Variants in ZNF385D observed in about 807,000 individuals in gnomAD.
The protein encoded by ZNF385D is zinc finger protein 659.
ZNF385D carries 15 observed loss-of-function variants against 35.8 expected under a neutral mutation model. The ratio of observed to expected loss-of-function variants is 0.42; its 90% confidence interval spans 0.28 to 0.64. The LOEUF (loss-of-function observed/expected upper bound fraction) is 0.64, where lower values mean the gene tolerates loss of function less well. Ranked by LOEUF, ZNF385D falls within the 30% of genes least tolerant of loss-of-function variation. The pLI, the probability that ZNF385D is intolerant of heterozygous loss-of-function variation, is 0.23. For missense variants in ZNF385D, 474 were observed against 494.6 expected (o/e 0.96, Z 0.39); for synonymous variants, 212 against 186.8 (o/e 1.13, Z -1.10).
intron 2 of ZNF385D, among the ~76,000 whole-genome samples, chr3:22,265,705 A>C (rs1576587058): frequency 6.6e-6 from 1 of 152,058 alleles, no homozygotes; most frequent in South Asian, 2.1e-4. Context: ...GACTGGCTTG[A>C]ATATCAACCT....
At chr3:21,517,319 C>T (rs1707634295) in intron 3 of ZNF385D, among the ~76,000 whole-genome samples, 1 of 152,020 alleles carries the variant, frequency 6.6e-6, no homozygotes, top group South Asian at 2.1e-4. Context: ...GCCATGAACA[C>T]ACCTGTGAAG....
chr3:21,987,671 A>T (rs1035003520), intron 3 of ZNF385D, among the ~76,000 whole-genome samples: 1 of 143,530 alleles, frequency 7.0e-6, no homozygotes, highest in African/African-American at 2.7e-5. Flanking sequence ...CTCGAGGAGT[A>T]TCTTTGTGGT....
Position 22,103,923 on chromosome 3 carries a change from TATTTAA to T in ZNF385D, c.325+64888_325+64893del, listed in dbSNP as rs1344530693. ...ATTGAATTATATGGCTTTAAATTTT[TATTTAA>T]ATTTAATAGGAAAATCAGTCTTGAG... On this transcript the variant is annotated intron_variant, in intron 3 of 5. Coordinates refer to the ZNF385D transcript ENST00000494108. 3.9e-5 allele frequency among the ~76,000 whole-genome samples: 6 copies of T among 152,248 alleles called. No homozygotes were observed. The East Asian group carries it at 5.8e-4, about 15-fold the overall frequency.
intron 2 of ZNF385D, among the ~76,000 whole-genome samples, chr3:22,253,547 T>A (rs1247532128): frequency 3.3e-5 from 5 of 151,982 alleles, no homozygotes; most frequent in Non-Finnish European, 7.4e-5. Context: ...AAAATTTGCC[T>A]AATGGTAAGA....
rs996753901 is a variant in ZNF385D, at chr3:21,465,445, C to T, written c.440-28242G>A. Among the ~76,000 whole-genome samples the T allele has an allele frequency of 6.6e-6, 1 of 152,142 alleles. No individual in the cohort carries two copies. On this transcript the variant is annotated intron_variant, in intron 4 of 7. Transcript: ENST00000281523. This position sits in a 1 kb window ranked among gnomAD's most constrained non-coding sequence, Gnocchi z 4.2. ...TTTCTTCTGCTCTTCCCAAGAGGGC[C>T]ACAGCCTCTCATCACCTGGCCAGAG...
intron 3 of ZNF385D, among the ~76,000 whole-genome samples, chr3:21,928,151 T>C (rs1700827241): frequency 6.6e-6 from 1 of 151,810 alleles, no homozygotes. Flanking sequence ...TTCACAGTTG[T>C]AGTGTGCTAT....
chr3:21,522,728 G>A (rs955113785), intron 3 of ZNF385D, among the ~76,000 whole-genome samples: 1 of 152,138 alleles, frequency 6.6e-6, no homozygotes, highest in African/African-American at 2.4e-5. Flanking sequence ...AGGGACAGTG[G>A]CAATGACTCT....
intron 2 of ZNF385D, among the ~76,000 whole-genome samples, chr3:21,604,420 G>A (rs2064414254): frequency 6.6e-6 from 1 of 152,184 alleles, no homozygotes; most frequent in South Asian, 2.1e-4. Context: ...TGACATGATT[G>A]AAGTTTAGGA....
chr3:21,485,364 T>C (rs1704950767), intron 4 of ZNF385D, among the ~76,000 whole-genome samples: 1 of 152,100 alleles, frequency 6.6e-6, no homozygotes, highest in Non-Finnish European at 1.5e-5. Context: ...AAGGGCAAGC[T>C]CTACTAAATA....
At chr3:21,911,119 T>C (rs1402647277) in intron 3 of ZNF385D, among the ~76,000 whole-genome samples, 1 of 151,912 alleles carries the variant, frequency 6.6e-6, no homozygotes, top group African/African-American at 2.4e-5. Context: ...ACATATAATA[T>C]TGGCTCTTCC....
intron 3 of ZNF385D, among the ~76,000 whole-genome samples, chr3:21,903,253 A>C (rs181739304): frequency 6.6e-6 from 1 of 152,288 alleles, no homozygotes; most frequent in East Asian, 1.9e-4. Context: ...AAAGAATTTC[A>C]GGAGGCATTT....
intron 3 of ZNF385D, among the ~76,000 whole-genome samples, chr3:21,775,106 A>T (rs1387132935): frequency 6.6e-6 from 1 of 151,926 alleles, no homozygotes; most frequent in Non-Finnish European, 1.5e-5. Context: ...AGCCAGCTCC[A>T]TCACATAAGG....
At chr3:21,458,920 C>G (rs1323699201) in intron 4 of ZNF385D, among the ~76,000 whole-genome samples, 1 of 152,062 alleles carries the variant, frequency 6.6e-6, no homozygotes, top group East Asian at 1.9e-4. Context: ...TAATTGTACA[C>G]TTTAAATGGG....
At chr3:22,102,626 A>C (rs1408912430) in intron 3 of ZNF385D, among the ~76,000 whole-genome samples, 1 of 152,092 alleles carries the variant, frequency 6.6e-6, no homozygotes, top group East Asian at 1.9e-4. Flanking sequence ...AAAAATATAC[A>C]TCGACAATAG....
intron 3 of ZNF385D, among the ~76,000 whole-genome samples, chr3:21,933,210 T>A (rs1472476208): frequency 6.6e-6 from 1 of 152,186 alleles, no homozygotes; most frequent in Non-Finnish European, 1.5e-5. Flanking sequence ...AAATAATATT[T>A]TATGTTGCTT....
chr3:22,238,204 G>A (rs1699297789), intron 2 of ZNF385D, among the ~76,000 whole-genome samples: 1 of 151,088 alleles, frequency 6.6e-6, no homozygotes, highest in Non-Finnish European at 1.5e-5. Context: ...ATTGATTTCT[G>A]TGGCTTGTAG....
intron 3 of ZNF385D, among the ~76,000 whole-genome samples, chr3:21,797,686 T>C (rs1375339788): frequency 6.6e-6 from 1 of 152,200 alleles, no homozygotes; most frequent in African/African-American, 2.4e-5. Context: ...AACCATCTAT[T>C]AAGTCATAAA....
At chr3:21,424,932 G>C (rs1040286297) in intron 6 of ZNF385D, among the ~76,000 whole-genome samples, 1 of 152,066 alleles carries the variant, frequency 6.6e-6, no homozygotes, top group African/African-American at 2.4e-5. Flanking sequence ...CGTTTAGCTG[G>C]CAATGTATAA....
At chr3:21,825,694 G>T (rs1185850531) in intron 3 of ZNF385D, among the ~76,000 whole-genome samples, 1 of 152,174 alleles carries the variant, frequency 6.6e-6, no homozygotes, top group Non-Finnish European at 1.5e-5. Context: ...AAAGGAGAAT[G>T]AAATTTTCTT....
Sources: gnomAD v4.1 joint callset for allele counts (sites outside exome capture counted in the v4.1 genomes callset) on GRCh38, gnomAD v4.1.1 for gene constraint, Gnocchi (gnomAD v3.1) non-coding constraint, MANE v1.5 for transcripts, NCBI Gene and HGNC (gene_info 2026-07-23, HGNC 2026-07-21) for gene names.